The following ZNF517 variants were observed in gnomAD, a reference collection of about 807,000 sequenced individuals.
ZNF517 encodes zinc finger protein 517.
In ZNF517, 12 loss-of-function variants were observed where a neutral mutation model predicts 12.1. That is an observed-to-expected ratio of 0.99 (90% CI 0.63 to 1.61). The LOEUF is 1.61. Among genes scored for constraint, ZNF517 ranks in the 40% most tolerant of loss-of-function variants. The pLI is 0.00. For missense variants in ZNF517, 781 were observed against 693.2 expected (o/e 1.13, Z -1.42); for synonymous variants, 388 against 310.2 (o/e 1.25, Z -2.63).
intron 4 of ZNF517, among the ~76,000 whole-genome samples, chr8:144,804,750 A>C (rs1206028337): frequency 6.6e-6 from 1 of 152,192 alleles, no homozygotes; most frequent in Non-Finnish European, 1.5e-5. Context: ...TGATAAGGTC[A>C]TGTGAGTCAC....
intron 1 of ZNF517, among the ~76,000 whole-genome samples, chr8:144,801,310 G>C (rs1406341357): frequency 6.6e-6 from 1 of 151,924 alleles, no homozygotes; most frequent in Non-Finnish European, 1.5e-5. Flanking sequence ...TGCCTACTCT[G>C]TATACGTCTG....
chr8:144,808,292 G>C lies in ZNF517; in HGVS notation c.1376G>C (p.Arg459Thr). The change falls in exon 5 of 5, where the codon AGG becomes ACG. Residue 459 changes from arginine (R) to threonine (T), a missense_variant. Transcript: ENST00000359971. ...ERPYRCRACG[R>T]ACSRLSTLIQ... is the part of the protein sequence containing the mutation. ...CCATACCGGTGCCGCGCCTGCGGGAGGGCCTGCAGCCGGCTGTCCACCCTC... is the reference window on the plus strand; with the variant it reads ...CCATACCGGTGCCGCGCCTGCGGGACGGCCTGCAGCCGGCTGTCCACCCTC... 1.9e-6 allele frequency: 3 copies of C among 1,551,466 alleles called. No homozygotes were observed. Among genetic ancestry groups the C allele is most frequent in the Non-Finnish European group, 2.6e-6 (3 of 1,146,630 alleles).
In ZNF517 at chr8:144,807,178, T is replaced by G. The variant is rs746948017; in HGVS notation, c.275-13T>G. 4.6e-6 allele frequency: 7 copies of G among 1,515,442 alleles called. No individual in the cohort carries two copies. The Admixed American group carries it at 1.6e-4, about 35-fold the overall frequency. The allele number at this position is 1,515,442 out of a possible 1,614,324, so 93.9% of individuals were successfully genotyped here. A position where few individuals can be genotyped will look rare whatever the true frequency, so the allele number is the denominator to read the frequency against. ...GGCTGGATCATCCTTCCGTTTTCTGTTCCTTCTCTCAGATTCCAGGATGGA... is the reference window on the plus strand; with the variant it reads ...GGCTGGATCATCCTTCCGTTTTCTGGTCCTTCTCTCAGATTCCAGGATGGA... On this transcript the variant is annotated splice_polypyrimidine_tract_variant and intron_variant, in intron 4 of 4. Coordinates refer to ENST00000359971, the MANE Select transcript of ZNF517 (RefSeq NM_213605.3).
chr8:144,804,121 T>A lies in ZNF517; in HGVS notation c.161-4T>A, dbSNP rs1175752465. On this transcript the variant is annotated splice_polypyrimidine_tract_variant and splice_region_variant and intron_variant, in intron 3 of 4. Transcript: ENST00000359971. ...TACGTGCTGCTTTCCTTCTCTGAGC[T>A]TAGGCTTTCTTGTTGCCAAACCAGC... is the stretch of plus-strand genomic sequence containing the variant. The A allele has an allele frequency of 6.2e-7, 1 of 1,613,728 alleles. No homozygotes were observed. Among genetic ancestry groups the A allele is most frequent in the African/African-American group, 1.3e-5 (1 of 74,940 alleles).
Position 144,808,822 on chromosome 8 carries a change from G to A in ZNF517, c.*427G>A, listed in dbSNP as rs918936896. ...AGGCTCCGTGTGGCGGTCAATTCCAGGTGCTGTAAAGCCGACTAACAGGGT... is the reference window on the plus strand; with the variant it reads ...AGGCTCCGTGTGGCGGTCAATTCCAAGTGCTGTAAAGCCGACTAACAGGGT... On this transcript the variant is annotated 3_prime_UTR_variant, in exon 5 of 5. Transcript: ENST00000359971. 3 of 158,260 alleles carry A rather than the reference G, an allele frequency of 1.9e-5. No individual in the cohort carries two copies. Among genetic ancestry groups the A allele is most frequent in the African/African-American group, 7.2e-5 (3 of 41,698 alleles). The allele number at this position is 158,260 out of a possible 1,614,324, so 9.8% of individuals were successfully genotyped here. A position where few individuals can be genotyped will look rare whatever the true frequency, so the allele number is the denominator to read the frequency against.
intron 3 of ZNF517, 73 bp from the exon 4 acceptor site, chr8:144,804,052 C>T: frequency 6.9e-7 from 1 of 1,446,576 alleles, no homozygotes; most frequent in Non-Finnish European, 9.5e-7. Flanking sequence ...GCCCTGATGG[C>T]CTCCAGCCAG....
downstream of ZNF517, among the ~76,000 whole-genome samples, chr8:144,811,752 G>T (rs1256399944): frequency 8.5e-6 from 1 of 118,306 alleles, no homozygotes. Context: ...CGGACAGTAC[G>T]CTCAGCCAGG....
Position 144,807,334 on chromosome 8 carries a change from G to C in ZNF517, c.418G>C (p.Gly140Arg), listed in dbSNP as rs1257749266. Residue 140 changes from glycine (G) to arginine (R), a missense_variant, in exon 5 of 5, where the codon GGT (glycine) becomes CGT (arginine). Physicochemically the swap from Gly to Arg is moderately radical, Grantham distance 125. Coordinates refer to ENST00000359971, the MANE Select transcript of ZNF517 (RefSeq NM_213605.3). Reference sequence around the variant, plus strand: ...CCCTGCACCACCCCACCCGCATGGCGGTCCTGAGGACGGGTCAGATAAACC... The same window carrying C: ...CCCTGCACCACCCCACCCGCATGGCCGTCCTGAGGACGGGTCAGATAAACC... ...GHPAPPHPHGGPEDGSDKPTH... is the reference protein window; with the variant it reads ...GHPAPPHPHGRPEDGSDKPTH... 1.9e-6 allele frequency: 3 copies of C among 1,551,782 alleles called. No individual in the cohort carries two copies. Among genetic ancestry groups the C allele is most frequent in the Admixed American group, 3.9e-5 (2 of 51,406 alleles).
chr8:144,804,924 C>T (rs781048084), intron 4 of ZNF517, among the ~76,000 whole-genome samples: 3 of 152,200 alleles, frequency 2.0e-5, no homozygotes, highest in Admixed American at 6.5e-5. Flanking sequence ...CAGGGTGGAA[C>T]ATGAAAGTGA....
rs1293086358 is a variant in ZNF517 at position 144,807,298 on chromosome 8, G to GT, written c.383dup (p.His131AlafsTer12). The GT allele has an allele frequency of 1.3e-6, 2 of 1,553,874 alleles. No individual in the cohort carries two copies. Among genetic ancestry groups the GT allele is most frequent in the East Asian group, 2.3e-5 (1 of 43,684 alleles). On this transcript the variant is annotated frameshift_variant, in exon 5 of 5. Coordinates refer to ENST00000359971, the MANE Select transcript of ZNF517 (RefSeq NM_213605.3). LOFTEE classifies it low-confidence loss of function (END_TRUNC). ...GGGGTGCCTCCCCTGGGGGCACCCT[G>GT]TGGGGGGGCACCCTGCACCACCCCA... is the stretch of plus-strand genomic sequence containing the variant.
At chr8:144,803,586 T>C (rs1827072956) in intron 2 of ZNF517, 55 bp from the exon 3 acceptor site, 2 of 1,604,856 alleles carry the variant, frequency 1.2e-6, no homozygotes, top group South Asian at 2.2e-5. Flanking sequence ...GTTTCTCATC[T>C]GCTGGGTTCT....
downstream of ZNF517, chr8:144,810,505 G>A (rs549612203): frequency 2.7e-6 from 1 of 368,880 alleles, no homozygotes; most frequent in South Asian, 1.3e-4. Context: ...GACATGGTGG[G>A]GGAGGCTGAA....
In ZNF517 at chr8:144,803,637, G is replaced by A. The variant is rs759197950; in HGVS notation, c.34-4G>A. On this transcript the variant is annotated splice_region_variant and splice_polypyrimidine_tract_variant and intron_variant, in intron 2 of 4. Transcript: ENST00000359971. ...TGCCTGGATAGCAGAGTATGTGGTTGCAGGAGGCGGTTGTGTTCGAGGATG... is the reference window on the plus strand; with the variant it reads ...TGCCTGGATAGCAGAGTATGTGGTTACAGGAGGCGGTTGTGTTCGAGGATG... 1.2e-6 allele frequency: 2 copies of A among 1,614,020 alleles called. No individual in the cohort carries two copies. Among genetic ancestry groups the A allele is most frequent in the Non-Finnish European group, 1.7e-6 (2 of 1,179,908 alleles).
chr8:144,800,824 G>T, intron 1 of ZNF517: 2 of 365,618 alleles, frequency 5.5e-6, no homozygotes, highest in Non-Finnish European at 3.8e-6. Context: ...CAGCCCTCCT[G>T]CCTCTAAACG....
chr8:144,800,833 C>T (rs770573630), intron 1 of ZNF517: 20 of 340,382 alleles, frequency 5.9e-5, no homozygotes, highest in Non-Finnish European at 8.3e-5. Context: ...TGCCTCTAAA[C>T]GCACTCTTTA....
intron 1 of ZNF517, among the ~76,000 whole-genome samples, chr8:144,801,296 C>T (rs530498106): frequency 2.0e-5 from 3 of 152,116 alleles, no homozygotes; most frequent in African/African-American, 7.2e-5. Flanking sequence ...AGAACAGGGC[C>T]TCATGCCTAC....
intron 4 of ZNF517, among the ~76,000 whole-genome samples, chr8:144,805,704 C>T (rs1172101436): frequency 1.3e-5 from 2 of 151,382 alleles, no homozygotes; most frequent in Admixed American, 6.6e-5. Flanking sequence ...CAAGCTCCAC[C>T]TCCCGGGTTC....
At chr8:144,801,491 G>T (rs924762642) in intron 1 of ZNF517, among the ~76,000 whole-genome samples, 3 of 151,686 alleles carry the variant, frequency 2.0e-5, no homozygotes, top group African/African-American at 7.3e-5. Context: ...GGCAACAAGA[G>T]CGAGTTGTCG....
chr8:144,804,070 G>A (rs980969201), intron 3 of ZNF517, 55 bp from the exon 4 acceptor site: 13 of 1,544,726 alleles, frequency 8.4e-6, no homozygotes, highest in Non-Finnish European at 1.2e-5. Context: ...CAGGCACCTG[G>A]GCGTCCCTTC....
Sources: allele counts gnomAD v4.1 joint callset (sites outside exome capture counted in the v4.1 genomes callset), GRCh38; gene constraint gnomAD v4.1.1; transcripts MANE v1.5; gene names NCBI Gene and HGNC (gene_info 2026-07-23, HGNC 2026-07-21).